SLC9A6: variants seen among roughly 807,000 people sequenced by gnomAD.
The protein encoded by SLC9A6 is solute carrier family 9 member A6.
A neutral mutation model predicts 45.3 loss-of-function variants in SLC9A6; 6 were observed. The ratio of observed to expected loss-of-function variants is 0.13; its 90% confidence interval spans 0.07 to 0.26. The LOEUF is 0.26. Ranked by LOEUF, SLC9A6 falls within the 10% of genes least tolerant of loss-of-function variation. The pLI is 1.00. For missense variants in SLC9A6, 278 were observed against 503.7 expected (o/e 0.55, Z 4.29); for synonymous variants, 191 against 187.7 (o/e 1.02, Z -0.14).
rs140008750 is a variant in SLC9A6 at position 136,030,645 on chromosome X, C to T, written c.1581+483C>T. On this transcript the variant is annotated intron_variant, in intron 15 of 17. Coordinates refer to ENST00000630721, the MANE Select transcript of SLC9A6 (RefSeq NM_001379110.1). ...TCTTCCCTGCCTGCTCAGGGAAACG[C>T]ACTTTCTTACCTTGCCCCTCAGCCT... Among the ~76,000 whole-genome samples the T allele has an allele frequency of 2.8e-3, 313 of 111,744 alleles. 1 individual carries two copies. The highest frequency in any genetic ancestry group is 5.0e-3 in the Non-Finnish European group (265 of 53,108).
chrX:135,995,267 A>G (rs2089482261), intron 3 of SLC9A6, among the ~76,000 whole-genome samples: 1 of 112,074 alleles, frequency 8.9e-6, no homozygotes, highest in East Asian at 2.8e-4. Flanking sequence ...AGCAGAATTT[A>G]TAAGCGTTTC....
intron 2 of SLC9A6, among the ~76,000 whole-genome samples, chrX:135,989,238 C>T (rs1191414363): frequency 9.0e-6 from 1 of 111,528 alleles, no homozygotes; most frequent in Non-Finnish European, 1.9e-5. Flanking sequence ...ATCAATTGCT[C>T]CAGTTACAAA....
upstream of SLC9A6, among the ~76,000 whole-genome samples, chrX:135,983,970 G>A (rs1194752917): frequency 1.8e-5 from 2 of 111,007 alleles, no homozygotes; most frequent in African/African-American, 3.3e-5. Context: ...ACAGACCCAA[G>A]TACTAATAGC....
At chrX:135,977,284 T>A (rs2089267218) in intron 1 of SLC9A6, among the ~76,000 whole-genome samples, 1 of 112,355 alleles carries the variant, frequency 8.9e-6, no homozygotes, top group Admixed American at 9.5e-5. Context: ...AAGATGGGGA[T>A]AATGGTCTCT....
intron 11 of SLC9A6, among the ~76,000 whole-genome samples, chrX:136,017,965 GAT>G (rs1231600456): frequency 1.8e-5 from 2 of 111,616 alleles, no homozygotes; most frequent in Admixed American, 1.9e-4. Flanking sequence ...TCTTCACGTG[GAT>G]ATCTCCATAG....
At chrX:136,016,899 T>G (rs1360037124) in intron 11 of SLC9A6, 141 bp downstream of exon 11, 4 of 403,054 alleles carry the variant, frequency 9.9e-6, no homozygotes, top group Non-Finnish European at 1.7e-5. Flanking sequence ...CCAGCTCTTT[T>G]TTCTAGTCTA....
upstream of SLC9A6, among the ~76,000 whole-genome samples, chrX:135,981,993 C>T (rs782719946): frequency 8.9e-6 from 1 of 112,559 alleles, no homozygotes; most frequent in East Asian, 2.8e-4. Context: ...ATGGACATGG[C>T]CATGTCCAAT....
At chrX:136,013,961 A>G (rs923371787) in intron 10 of SLC9A6, among the ~76,000 whole-genome samples, 7 of 112,450 alleles carry the variant, frequency 6.2e-5, no homozygotes, top group African/African-American at 2.3e-4. Context: ...CAAAGCTACT[A>G]TGTTTCCAGG....
intron 1 of SLC9A6, chrX:135,974,822 G>C (rs1192343725): frequency 3.4e-6 from 1 of 297,820 alleles, no homozygotes; most frequent in Non-Finnish European, 6.7e-6. Flanking sequence ...GGTGTAGCGC[G>C]GGGGGAGTGT....
intron 6 of SLC9A6, 32 bp downstream of exon 6, chrX:135,999,000 TGAG>T: frequency 1.1e-6 from 1 of 916,424 alleles, no homozygotes; most frequent in Non-Finnish European, 1.6e-6. Context: ...TTTACATACT[TGAG>T]GTGCATTGTT....
At chrX:135,978,423 G>A (rs948783690) in intron 1 of SLC9A6, among the ~76,000 whole-genome samples, 42 of 111,130 alleles carry the variant, frequency 3.8e-4, no homozygotes, top group African/African-American at 1.3e-3. Context: ...AGGCTGAGGC[G>A]GGCAGATCAC....
At chrX:136,031,056 A>G in intron 15 of SLC9A6, among the ~76,000 whole-genome samples, 1 of 111,679 alleles carries the variant, frequency 9.0e-6, no homozygotes. Flanking sequence ...TGTATGTATG[A>G]GATATAGTAA....
At chrX:136,002,290 A>C in intron 7 of SLC9A6, 77 bp downstream of exon 7, 1 of 695,750 alleles carries the variant, frequency 1.4e-6, no homozygotes, top group African/African-American at 2.1e-5. Context: ...TTATTGAATA[A>C]AGTACATTAT....
At chrX:136,003,174 A>G (rs1045777396) in intron 7 of SLC9A6, among the ~76,000 whole-genome samples, 31 of 108,487 alleles carry the variant, frequency 2.9e-4, no homozygotes, top group Non-Finnish European at 5.5e-4. Flanking sequence ...TTTTTAGTAG[A>G]GACGGGGTTT....
chrX:136,002,257 G>A, intron 7 of SLC9A6, 44 bp downstream of exon 7: 1 of 893,901 alleles, frequency 1.1e-6, no homozygotes, highest in Non-Finnish European at 1.6e-6. Context: ...TTAAGTGTGA[G>A]GGTACTAGGA....
chrX:136,017,439 C>A (rs993636042), intron 11 of SLC9A6, among the ~76,000 whole-genome samples: 7 of 107,583 alleles, frequency 6.5e-5, no homozygotes, highest in Non-Finnish European at 1.2e-4. Flanking sequence ...AACCAAAAAA[C>A]CAAAAAACAG....
In SLC9A6 at chrX:136,013,000, T is replaced by C; in HGVS notation, c.937T>C (p.Phe313Leu). The change falls in exon 9 of 18, where the codon TTC (phenylalanine) becomes CTC (leucine). Residue 313 changes from phenylalanine to leucine, a missense_variant. Phe to Leu is a conservative substitution (Grantham distance 22). Transcript: ENST00000630721. ...REFQLLETGL[F>L]FLMSWSTFLL... Reference sequence around the variant, plus strand: ...GTTCCAGTTGTTGGAGACAGGCCTGTTCTTCTTGATGTCCTGGAGTACCTT... The same window carrying C: ...GTTCCAGTTGTTGGAGACAGGCCTGCTCTTCTTGATGTCCTGGAGTACCTT... 6 of 1,209,917 alleles carry C rather than the reference T, an allele frequency of 5.0e-6. No individual in the cohort carries two copies. The highest frequency in any genetic ancestry group is 6.7e-6 in the Non-Finnish European group (6 of 893,824).
chrX:136,045,545 G>A lies in SLC9A6; in HGVS notation c.*821G>A, dbSNP rs1036760115. ...GAGTAAAGAGAATGGTGGTTTCAGAGATCTCTCTTCCCAAATGTGTAAATA... is the reference window on the plus strand; with the variant it reads ...GAGTAAAGAGAATGGTGGTTTCAGAAATCTCTCTTCCCAAATGTGTAAATA... On this transcript the variant is annotated 3_prime_UTR_variant, in exon 18 of 18. Coordinates refer to ENST00000630721, the MANE Select transcript of SLC9A6 (RefSeq NM_001379110.1). 8.9e-6 allele frequency: 1 copy of A among 111,783 alleles called. No individual in the cohort carries two copies. Among genetic ancestry groups the A allele is most frequent in the Non-Finnish European group, 1.9e-5 (1 of 53,132 alleles). 9.2% of individuals were successfully genotyped at this position (111,783 alleles called of 1,213,427 possible). A position where few individuals can be genotyped will look rare whatever the true frequency, so the allele number is the denominator to read the frequency against.
intron 6 of SLC9A6, among the ~76,000 whole-genome samples, chrX:136,001,336 CAAAAAAAAA>C (rs569372174): frequency 1.3e-4 from 3 of 23,612 alleles, no homozygotes; most frequent in Admixed American, 1.0e-3. Context: ...GACTCCATCT[CAAAAAAAAA>C]AAAAAAAAAA....
Sources: gnomAD v4.1 joint callset for allele counts (sites outside exome capture counted in the v4.1 genomes callset) on GRCh38, gnomAD v4.1.1 for gene constraint, MANE v1.5 for transcripts, NCBI Gene and HGNC (gene_info 2026-07-23, HGNC 2026-07-21) for gene names.